Variants in ARMH4 observed in about 807,000 individuals in gnomAD.
ARMH4 encodes the protein armadillo-like helical domain-containing protein 4.
Under a neutral mutation model 61.9 loss-of-function variants are expected in ARMH4, and 49 were observed. That is an observed-to-expected ratio of 0.79 (90% CI 0.63 to 1.00). The LOEUF is 1.00. ARMH4 is among the 50% of genes least tolerant of loss of function. The pLI is 0.00. For synonymous variants in ARMH4, 368 were observed against 341.5 expected (o/e 1.08, Z -0.85); for missense variants, 934 against 930.0 (o/e 1.00, Z -0.06).
chr14:58,127,917 T>A (rs971205736), intron 4 of ARMH4, among the ~76,000 whole-genome samples: 2 of 152,164 alleles, frequency 1.3e-5, no homozygotes, highest in African/African-American at 4.8e-5. Flanking sequence ...ATCTCTGTTT[T>A]TATATTCTTA....
rs555712901 is a variant in ARMH4, at chr14:58,042,362, C to T, written c.2090-30212G>A. ...TCCTGAGTGACTACTGGGTACATAA[C>T]GAAATGAAGGCAGAAATAAAGATGT... On this transcript the variant is annotated intron_variant, in intron 5 of 7. Transcript: ENST00000267485. 3.3e-5 allele frequency among the ~76,000 whole-genome samples: 5 copies of T among 152,194 alleles called. No homozygotes were observed. The South Asian group carries it at 6.2e-4, about 19-fold the overall frequency.
intron 4 of ARMH4, among the ~76,000 whole-genome samples, chr14:58,106,146 G>A (rs1383842996): frequency 6.6e-6 from 1 of 152,092 alleles, no homozygotes; most frequent in Non-Finnish European, 1.5e-5. Context: ...TTTAGAAGAC[G>A]TGTCCCACTG....
intron 4 of ARMH4, among the ~76,000 whole-genome samples, chr14:58,098,392 C>T (rs1594755388): frequency 1.3e-5 from 2 of 152,190 alleles, no homozygotes; most frequent in East Asian, 3.8e-4. Flanking sequence ...ACGTCTCTGC[C>T]TTCGTGGAGC....
chr14:58,130,929 T>C (rs894301675), intron 4 of ARMH4, among the ~76,000 whole-genome samples: 3 of 152,206 alleles, frequency 2.0e-5, no homozygotes, highest in Non-Finnish European at 4.4e-5. Context: ...AAGGCAGTCT[T>C]TTAAAATGCT....
At chr14:58,094,213 C>T (rs1485201125) in intron 5 of ARMH4, among the ~76,000 whole-genome samples, 1 of 151,462 alleles carries the variant, frequency 6.6e-6, no homozygotes, top group Admixed American at 6.6e-5. Flanking sequence ...ACCTGTAGTC[C>T]CAGCTGCTCA....
At position 58,001,852 on chromosome 14, in the gene ARMH4, G is replaced by C. The variant is rs1191786205; in HGVS notation, c.*2884C>G. 1 of 152,168 alleles carries C rather than the reference G, an allele frequency of 6.6e-6. No homozygotes were observed. The highest frequency in any genetic ancestry group is 1.5e-5 in the Non-Finnish European group (1 of 68,050). The allele number at this position is 152,168 out of a possible 1,614,324, so 9.4% of individuals were successfully genotyped here. A position where few individuals can be genotyped will look rare whatever the true frequency, so the allele number is the denominator to read the frequency against. ...GAAACACTGCCTCTCCCTCCGAGAA[G>C]AAGACCTAGTTCCTGCCCCTGCGGT... On this transcript the variant is annotated 3_prime_UTR_variant, in exon 8 of 8. Coordinates refer to ENST00000267485, the MANE Select transcript of ARMH4 (RefSeq NM_001001872.4).
chr14:58,121,553 A>G (rs1319201813), intron 4 of ARMH4, among the ~76,000 whole-genome samples: 1 of 152,246 alleles, frequency 6.6e-6, no homozygotes, highest in Non-Finnish European at 1.5e-5. Flanking sequence ...GATTTTAAAT[A>G]TTTTTGAAAT....
chr14:58,103,562 C>G (rs986600647), intron 4 of ARMH4, among the ~76,000 whole-genome samples: 1 of 151,526 alleles, frequency 6.6e-6, no homozygotes, highest in Non-Finnish European at 1.5e-5. Context: ...GTGGACCTTC[C>G]TCCTATAAAC....
At chr14:58,049,023 G>T (rs769510583) in intron 5 of ARMH4, among the ~76,000 whole-genome samples, 4 of 152,036 alleles carry the variant, frequency 2.6e-5, no homozygotes, top group African/African-American at 9.7e-5. Context: ...GGATCATGAG[G>T]TCAGGAGATC....
intron 6 of ARMH4, among the ~76,000 whole-genome samples, chr14:58,010,470 T>TATAG (rs1489823884): frequency 6.6e-6 from 1 of 152,126 alleles, no homozygotes; most frequent in Non-Finnish European, 1.5e-5. Context: ...AAGATGAAGA[T>TATAG]ATAGGCACAT....
chr14:58,097,851 G>A (rs1308954671), intron 4 of ARMH4, among the ~76,000 whole-genome samples: 3 of 152,002 alleles, frequency 2.0e-5, no homozygotes, highest in Admixed American at 6.6e-5. Context: ...TATTATAGGC[G>A]TGAGCCATGG....
chr14:58,099,177 G>C (rs1210987871), intron 4 of ARMH4, among the ~76,000 whole-genome samples: 1 of 152,170 alleles, frequency 6.6e-6, no homozygotes, highest in East Asian at 1.9e-4. Context: ...TGGAAGTCTA[G>C]GGAAGTTTCA....
At chr14:58,040,984 G>C (rs1345446011) in intron 5 of ARMH4, among the ~76,000 whole-genome samples, 1 of 152,206 alleles carries the variant, frequency 6.6e-6, no homozygotes, top group Non-Finnish European at 1.5e-5. Context: ...TCAGGGGGCG[G>C]TTCCAAGATG....
chr14:58,020,209 T>A (rs575717412), intron 5 of ARMH4, among the ~76,000 whole-genome samples: 1 of 152,178 alleles, frequency 6.6e-6, no homozygotes, highest in Admixed American at 6.5e-5. Context: ...TAAAGCCTGT[T>A]CAGTACACCC....
intron 5 of ARMH4, among the ~76,000 whole-genome samples, chr14:58,022,325 C>T (rs1272628556): frequency 6.6e-6 from 1 of 152,172 alleles, no homozygotes; most frequent in Admixed American, 6.5e-5. Context: ...CTCAGAAAGA[C>T]CGTTGTGATA....
chr14:58,006,415 A>G (rs11846103), intron 6 of ARMH4, among the ~76,000 whole-genome samples: 2,005 of 152,300 alleles, frequency 0.013, 28 homozygotes, highest in East Asian at 0.076. Flanking sequence ...AGTTTTCCTG[A>G]AAGTGCTGAA....
At chr14:58,122,479 C>T (rs887209718) in intron 4 of ARMH4, among the ~76,000 whole-genome samples, 4 of 152,166 alleles carry the variant, frequency 2.6e-5, no homozygotes, top group Admixed American at 1.3e-4. Flanking sequence ...ATAAGTTTAT[C>T]ACCCAGTCAG....
intron 6 of ARMH4, among the ~76,000 whole-genome samples, chr14:58,010,959 GA>G (rs34740963): frequency 0.24 from 35,964 of 151,132 alleles, 4,735 homozygotes; most frequent in East Asian, 0.56. Context: ...ATTTTTCCCT[GA>G]AAAAATAACA....
intron 5 of ARMH4, among the ~76,000 whole-genome samples, chr14:58,031,098 G>A (rs1291498428): frequency 2.0e-5 from 3 of 152,132 alleles, no homozygotes; most frequent in Middle Eastern, 3.2e-3. Flanking sequence ...CAGGTACTGG[G>A]CCAGAAAATA....
Sources: gnomAD v4.1 joint callset for allele counts (sites outside exome capture counted in the v4.1 genomes callset) on GRCh38, gnomAD v4.1.1 for gene constraint, MANE v1.5 for transcripts, NCBI Gene and HGNC (gene_info 2026-07-23, HGNC 2026-07-21) for gene names.